The following DKKL1 variants were observed in gnomAD, a reference collection of about 807,000 sequenced individuals.
DKKL1 encodes the protein dickkopf-like protein 1.
DKKL1 carries 11 observed loss-of-function variants against 16.5 expected under a neutral mutation model. That is an observed-to-expected ratio of 0.67 (90% CI 0.42 to 1.10). The LOEUF is 1.10. DKKL1 is among the 50% of genes least tolerant of loss of function. The pLI, the probability that DKKL1 is intolerant of heterozygous loss-of-function variation, is 0.00. For synonymous variants in DKKL1, 119 were observed against 133.2 expected, an observed-to-expected ratio of 0.89 and a Z score of 0.73; for missense variants, 320 against 308.1, an observed-to-expected ratio of 1.04 and a Z score of -0.29.
intron 2 of DKKL1, 42 bp from the exon 3 acceptor site, chr19:49,365,467 A>T: frequency 6.4e-7 from 1 of 1,558,458 alleles, no homozygotes; most frequent in Non-Finnish European, 8.7e-7. Flanking sequence ...TACTGAGGAG[A>T]TGTGAGGTCC....
chr19:49,365,514 C>A lies in DKKL1; in HGVS notation c.189C>A (p.Asn63Lys), dbSNP rs769308683. Residue 63 changes from asparagine (N) to lysine (K), a missense_variant, in exon 3 of 5, where the codon AAC (asparagine) becomes AAA (lysine). By Grantham distance (94) the Asn-to-Lys change is moderately conservative (BLOSUM62 0). Coordinates refer to ENST00000221498, the MANE Select transcript of DKKL1 (RefSeq NM_014419.4). ...QGFSRLFLKG[N>K]LLRGIDSLFS... ...AGTCCCTCCTCCGGCCCCAGGGTAACCTGCTTCGGGGCATAGACAGCTTAT... is the reference window on the plus strand; with the variant it reads ...AGTCCCTCCTCCGGCCCCAGGGTAAACTGCTTCGGGGCATAGACAGCTTAT... 6.2e-7 allele frequency: 1 copy of A among 1,601,948 alleles called. No homozygotes were observed. Among genetic ancestry groups the A allele is most frequent in the Non-Finnish European group, 8.5e-7 (1 of 1,172,396 alleles).
At chr19:49,362,177 C>G (rs962191610), upstream of DKKL1, among the ~76,000 whole-genome samples, 1 of 152,232 alleles carries the variant, frequency 6.6e-6, no homozygotes, top group African/African-American at 2.4e-5. Flanking sequence ...CGCAGGCACC[C>G]TAACTCCGGC....
rs1337510502 is a variant in DKKL1 at position 49,374,959 on chromosome 19, C to T, written c.660C>T (p.Ser220=). 6.2e-7 allele frequency: 1 copy of T among 1,613,672 alleles called. No homozygotes were observed. The highest frequency in any genetic ancestry group is 1.7e-5 in the Admixed American group (1 of 60,002). ...KDVLEEGTES[S]SHSRLSPRKT... The stretch of plus-strand genomic sequence containing the variant: ...TCCTAGAAGAGGGGACCGAGAGCTC[C>T]TCCCACTCCAGGCTGTCCCCCCGAA... Residue 220 remains serine, a synonymous_variant, in exon 5 of 5, where the codon TCC becomes TCT. Transcript: ENST00000221498.
upstream of DKKL1, chr19:49,361,586 C>T (rs1012557065): frequency 6.6e-6 from 1 of 152,176 alleles, no homozygotes; most frequent in Non-Finnish European, 1.5e-5. Context: ...GGCGACTCCC[C>T]TCCGGCACCG....
In DKKL1 at chr19:49,365,894, G is replaced by T; in HGVS notation, c.417+9G>T. On this transcript the variant is annotated intron_variant, in intron 4 of 4. Transcript: ENST00000221498. ...TCGAGGGTGATTTGAAGGTTAGGACGTGCCCCGCCGTCAAAGTGTCCAGGC... is the reference window on the plus strand; with the variant it reads ...TCGAGGGTGATTTGAAGGTTAGGACTTGCCCCGCCGTCAAAGTGTCCAGGC... 1 of 1,611,428 alleles carries T rather than the reference G, an allele frequency of 6.2e-7. No homozygotes were observed. The highest frequency in any genetic ancestry group is 8.5e-7 in the Non-Finnish European group (1 of 1,178,642).
At chr19:49,361,205 G>GGGAC (rs1972884886), upstream of DKKL1, among the ~76,000 whole-genome samples, 2 of 146,880 alleles carry the variant, frequency 1.4e-5, no homozygotes, top group Admixed American at 6.8e-5. Flanking sequence ...CCCAGAGAGG[G>GGGAC]AGACAGAGAC....
chr19:49,366,584 C>T (rs1973257125), intron 4 of DKKL1, among the ~76,000 whole-genome samples: 1 of 152,114 alleles, frequency 6.6e-6, no homozygotes, highest in Non-Finnish European at 1.5e-5. Flanking sequence ...AAAGTAAGTG[C>T]TCTGCAAACT....
intron 2 of DKKL1, 42 bp from the exon 3 acceptor site, chr19:49,365,467 A>G (rs1280531274): frequency 2.6e-6 from 4 of 1,558,458 alleles, no homozygotes; most frequent in Admixed American, 3.6e-5. Context: ...TACTGAGGAG[A>G]TGTGAGGTCC....
chr19:49,372,286 C>T lies in DKKL1; in HGVS notation c.418-2431C>T, dbSNP rs936613371. ...TAGAGAGAAGTTGCCTCCTGCCAGG[C>T]ACAGTGGCTCATACCCGTAGTCCCA... On this transcript the variant is annotated intron_variant, in intron 4 of 4. Transcript: ENST00000221498. Among the ~76,000 whole-genome samples, 35 of 152,268 alleles carry T rather than the reference C, an allele frequency of 2.3e-4. 1 individual carries two copies. Among genetic ancestry groups the T allele is most frequent in the South Asian group, 8.3e-4 (4 of 4,826 alleles).
At chr19:49,365,753 A>G (rs1195608334) in intron 3 of DKKL1, 40 bp from the exon 4 acceptor site, 7 of 1,607,420 alleles carry the variant, frequency 4.4e-6, no homozygotes, top group Non-Finnish European at 6.0e-6. Context: ...GCGGAGGAGG[A>G]AAGCAGGTTT....
chr19:49,365,467 A>C, intron 2 of DKKL1, 42 bp from the exon 3 acceptor site: 1 of 1,558,458 alleles, frequency 6.4e-7, no homozygotes, highest in Non-Finnish European at 8.7e-7. Flanking sequence ...TACTGAGGAG[A>C]TGTGAGGTCC....
intron 1 of DKKL1, 30 bp downstream of exon 1, chr19:49,364,038 G>A (rs752318237): frequency 1.2e-6 from 2 of 1,612,414 alleles, no homozygotes; most frequent in Non-Finnish European, 1.7e-6. Context: ...GGTGAACGTG[G>A]GCGAAAGTGA....
At position 49,365,773 on chromosome 19, in the gene DKKL1, C is replaced by G. The variant is rs145368763; in HGVS notation, c.325-20C>G. On this transcript the variant is annotated intron_variant, in intron 3 of 4. Coordinates refer to ENST00000221498, the MANE Select transcript of DKKL1 (RefSeq NM_014419.4). ...GGAGGAAAGCAGGTTTGCTCTCACTCTCTCATCGGATCCTCACAGATGACC... is the reference window on the plus strand; with the variant it reads ...GGAGGAAAGCAGGTTTGCTCTCACTGTCTCATCGGATCCTCACAGATGACC... 645 of 1,612,400 alleles carry G rather than the reference C, an allele frequency of 4.0e-4. 4 individuals carry two copies. The East Asian group carries it at 0.013, about 33-fold the overall frequency.
At chr19:49,370,364 G>A (rs1973429580) in intron 4 of DKKL1, 1 of 150,992 alleles carries the variant, frequency 6.6e-6, no homozygotes, top group Non-Finnish European at 1.5e-5. Context: ...CACTGGACTT[G>A]AAGGTTGACA....
intron 4 of DKKL1, among the ~76,000 whole-genome samples, chr19:49,373,829 A>G (rs73590180): frequency 0.023 from 3,525 of 152,170 alleles, 154 homozygotes; most frequent in African/African-American, 0.08. Context: ...TCATCTTACT[A>G]AAAGGCAGAC....
intron 4 of DKKL1, 33 bp from the exon 5 acceptor site, chr19:49,374,684 G>A (rs1225521489): frequency 4.6e-6 from 7 of 1,512,444 alleles, no homozygotes; most frequent in Non-Finnish European, 6.2e-6. Context: ...GCTGTTTGGA[G>A]TATGAGAGGG....
intron 2 of DKKL1, 32 bp from the exon 3 acceptor site, chr19:49,365,475 TCC>T: frequency 7.7e-6 from 12 of 1,566,686 alleles, no homozygotes; most frequent in Non-Finnish European, 1.0e-5. Context: ...AGATGTGAGG[TCC>T]AGCAGCTCAC....
rs1040802189 is a variant in DKKL1, at chr19:49,363,935, C to T, written c.-64C>T. Reference sequence around the variant, plus strand: ...TAACAGTACGTGGGCGGCCGGAATCCGGGAGTCCGGTGACCCGGGCTGTGG... The same window carrying T: ...TAACAGTACGTGGGCGGCCGGAATCTGGGAGTCCGGTGACCCGGGCTGTGG... On this transcript the variant is annotated 5_prime_UTR_variant, in exon 1 of 5. Coordinates refer to ENST00000221498, the MANE Select transcript of DKKL1 (RefSeq NM_014419.4). 1.2e-6 allele frequency: 2 copies of T among 1,603,618 alleles called. No individual in the cohort carries two copies. The highest frequency in any genetic ancestry group is 1.7e-5 in the Admixed American group (1 of 58,268).
upstream of DKKL1, among the ~76,000 whole-genome samples, chr19:49,363,417 A>G (rs1178121448): frequency 6.6e-6 from 1 of 152,256 alleles, no homozygotes; most frequent in Non-Finnish European, 1.5e-5. Flanking sequence ...TGAGAGCTAA[A>G]AGGGATGCTT....
Sources: allele counts gnomAD v4.1 joint callset (sites outside exome capture counted in the v4.1 genomes callset), GRCh38; gene constraint gnomAD v4.1.1; transcripts MANE v1.5; gene names NCBI Gene and HGNC (gene_info 2026-07-23, HGNC 2026-07-21).